The following ABR variants were observed in gnomAD, a reference collection of about 807,000 sequenced individuals.
The protein encoded by ABR is ABR activator of RhoGEF and GTPase.
Under a neutral mutation model 107.2 loss-of-function variants are expected in ABR, and 35 were observed. The ratio of observed to expected loss-of-function variants is 0.33; its 90% confidence interval spans 0.25 to 0.43. The LOEUF is 0.43. Ranked by LOEUF, ABR falls within the 20% of genes least tolerant of loss-of-function variation. The probability of loss-of-function intolerance (pLI) is 1.00; values close to 1 mark genes in which losing one functional copy is unlikely to be tolerated. For synonymous variants in ABR, 498 were observed against 462.0 expected, an observed-to-expected ratio of 1.08 and a Z score of -1.00; for missense variants, 815 against 1,115.2, an observed-to-expected ratio of 0.73 and a Z score of 3.83.
At chr17:1,219,255 G>A (rs987805608) in intron 1 of ABR, among the ~76,000 whole-genome samples, 1 of 151,776 alleles carries the variant, frequency 6.6e-6, no homozygotes. Flanking sequence ...TGTTGACCAG[G>A]CAGGTCTCAA....
intron 1 of ABR, among the ~76,000 whole-genome samples, chr17:1,164,685 G>C (rs2041437130): frequency 1.3e-5 from 2 of 151,954 alleles, no homozygotes; most frequent in African/African-American, 4.8e-5. Context: ...TTCTTTTTTT[G>C]AGACAGGGTC....
At chr17:1,119,824 G>A (rs2039265082) in intron 2 of ABR, among the ~76,000 whole-genome samples, 1 of 152,238 alleles carries the variant, frequency 6.6e-6, no homozygotes, top group East Asian at 1.9e-4. Flanking sequence ...TGGCATCATA[G>A]AAACCCAAGT....
chr17:1,095,531 G>A (rs536849036), intron 3 of ABR, among the ~76,000 whole-genome samples: 3 of 152,270 alleles, frequency 2.0e-5, no homozygotes, highest in African/African-American at 7.2e-5. Context: ...CTGAGCTTCG[G>A]CACGGCACAG....
At position 1,016,475 on chromosome 17, in the gene ABR, C is replaced by T. The variant is rs556829546; in HGVS notation, c.1792-3311G>A. ...GGGATTACAGGTGCCTGCCACCACG[C>T]CCAGCTAATTTTTTATTTGTAGTGG... On this transcript the variant is annotated intron_variant, in intron 16 of 22. Transcript: ENST00000302538. Among the ~76,000 whole-genome samples, 81 of 152,054 alleles carry T rather than the reference C, an allele frequency of 5.3e-4. 2 individuals are homozygous for T. The highest frequency in any genetic ancestry group is 1.5e-3 in the African/African-American group (63 of 41,358).
intron 3 of ABR, among the ~76,000 whole-genome samples, chr17:1,097,521 G>A (rs536020197): frequency 1.5e-4 from 22 of 150,854 alleles, no homozygotes; most frequent in Non-Finnish European, 3.2e-4. Flanking sequence ...AACCCAGGAG[G>A]CGGAGGTTAT....
At position 1,204,742 on chromosome 17, in the gene ABR, A is replaced by G. The variant is rs544738721; in HGVS notation, c.838+24051T>C. On this transcript the variant is annotated intron_variant, in intron 1 of 22. Transcript: ENST00000574139. ...AGTGGGCTATACCATTGAGCCTACT[A>G]TGTACCTGGGCTGTATGTTAGTATT... Among the ~76,000 whole-genome samples, 259 of 152,226 alleles carry G rather than the reference A, an allele frequency of 1.7e-3. 1 individual carries two copies. The highest frequency in any genetic ancestry group is 5.4e-3 in the African/African-American group (223 of 41,540).
rs1290692509 is a variant in ABR, at chr17:1,076,720, GGGTGGGGGT to G, written c.700+2601_700+2609del. 1.3e-3 allele frequency among the ~76,000 whole-genome samples: 145 copies of G among 112,404 alleles called. 7 individuals carry two copies. The East Asian group carries it at 0.028, about 22-fold the overall frequency. 73.7% of individuals were successfully genotyped at this position (112,404 alleles called of 152,430 possible). On this transcript the variant is annotated intron_variant, in intron 6 of 22. Coordinates refer to ENST00000302538, the MANE Select transcript of ABR (RefSeq NM_021962.5). ...GGCCAGGAGGGCAGGTGCACGGGGG[GGGTGGGGGT>G]GGGGGGGGTGGCGGCACTGGGACCA...
chr17:1,138,009 T>A (rs1183467888), intron 1 of ABR, among the ~76,000 whole-genome samples: 1 of 151,150 alleles, frequency 6.6e-6, no homozygotes, highest in Non-Finnish European at 1.5e-5. Flanking sequence ...CAAGCAATTC[T>A]CCTGCCTCAG....
intron 2 of ABR, among the ~76,000 whole-genome samples, chr17:1,109,820 T>TCGCACG (rs2038551592): frequency 6.6e-6 from 1 of 151,272 alleles, no homozygotes; most frequent in Non-Finnish European, 1.5e-5. Flanking sequence ...GCGGTGGGCG[T>TCGCACG]CCCACTCACA....
At position 1,178,240 on chromosome 17, in the gene ABR, C is replaced by G. The variant is rs149906958; in HGVS notation, c.61+1427G>C. ...CCCTTCTCTACTCCCCCCACCCCCC[C>G]CATATGACTTATCAAGGAACTCTAG... is the stretch of plus-strand genomic sequence containing the variant. On this transcript the variant is annotated intron_variant, in intron 1 of 22. Transcript: ENST00000302538. Among the ~76,000 whole-genome samples, 28 of 152,076 alleles carry G rather than the reference C, an allele frequency of 1.8e-4. No homozygotes were observed. The East Asian group carries it at 5.2e-3, about 28-fold the overall frequency.
intron 16 of ABR, among the ~76,000 whole-genome samples, chr17:1,022,260 G>C (rs893540880): frequency 3.9e-5 from 6 of 152,304 alleles, no homozygotes; most frequent in Admixed American, 3.3e-4. Flanking sequence ...CCAGGCATCG[G>C]GTCTGAGGGT....
chr17:1,143,581 C>T (rs1312048467), intron 1 of ABR, among the ~76,000 whole-genome samples: 1 of 151,624 alleles, frequency 6.6e-6, no homozygotes, highest in Non-Finnish European at 1.5e-5. Flanking sequence ...TTGTTTGCTC[C>T]GGCTCTGCCT....
exon 1 of ABR, among the ~76,000 whole-genome samples, chr17:1,229,358 G>T (rs1290400585): frequency 4.9e-5 from 7 of 143,908 alleles, no homozygotes; most frequent in African/African-American, 1.9e-4. Context: ...CCTCGGGGTC[G>T]GGGCGCCCGG....
intron 16 of ABR, among the ~76,000 whole-genome samples, chr17:1,028,691 A>T (rs1032660472): frequency 2.0e-5 from 3 of 152,078 alleles, no homozygotes; most frequent in Non-Finnish European, 2.9e-5. Context: ...GGATTCTCAG[A>T]CCCACATGGC....
In ABR at chr17:1,157,503, G is replaced by A. The variant is rs1191462636; in HGVS notation, c.61+22164C>T. Among the ~76,000 whole-genome samples the A allele has an allele frequency of 6.6e-6, 1 of 151,806 alleles. No homozygotes were observed. Among genetic ancestry groups the A allele is most frequent in the Non-Finnish European group, 1.5e-5 (1 of 67,986 alleles). On this transcript the variant is annotated intron_variant, in intron 1 of 22. Coordinates refer to ENST00000302538, the MANE Select transcript of ABR (RefSeq NM_021962.5). The surrounding 1 kb of genome is among the most constrained non-coding windows in gnomAD (Gnocchi z 4.7). ...TGACCTCATGTGATCTGCCTGCCTCGGCCTCCCAAAGTGCTGGGATTACAG... is the reference window on the plus strand; with the variant it reads ...TGACCTCATGTGATCTGCCTGCCTCAGCCTCCCAAAGTGCTGGGATTACAG...
chr17:1,083,741 C>G (rs1483014441), intron 4 of ABR, 114 bp from the exon 5 acceptor site: 7 of 843,338 alleles, frequency 8.3e-6, no homozygotes, highest in Non-Finnish European at 1.4e-5. Flanking sequence ...AAACCTCTCA[C>G]TCAGCTCGTT....
chr17:1,139,171 C>T (rs62069394), intron 1 of ABR, among the ~76,000 whole-genome samples: 5,499 of 152,276 alleles, frequency 0.036, 128 homozygotes, highest in Middle Eastern at 0.075. Context: ...TTTCTTTAGC[C>T]TTGGCTTCTT....
intron 1 of ABR, among the ~76,000 whole-genome samples, chr17:1,215,319 G>C (rs12939193): frequency 0.96 from 145,407 of 151,452 alleles, 70,070 homozygotes; most frequent in East Asian, 1. Context: ...CTGCCATCTC[G>C]GCTCACTGCA....
intron 16 of ABR, among the ~76,000 whole-genome samples, chr17:1,014,451 A>G (rs947867702): frequency 1.3e-5 from 2 of 151,760 alleles, no homozygotes; most frequent in Non-Finnish European, 2.9e-5. Flanking sequence ...AAAAAAAAAG[A>G]AAAAACATCT....
Sources: gnomAD v4.1 joint callset for allele counts (sites outside exome capture counted in the v4.1 genomes callset) on GRCh38, gnomAD v4.1.1 for gene constraint, Gnocchi (gnomAD v3.1) non-coding constraint, MANE v1.5 for transcripts, NCBI Gene and HGNC (gene_info 2026-07-23, HGNC 2026-07-21) for gene names.